NBAS: variants seen among roughly 807,000 people sequenced by gnomAD.
NBAS encodes the protein NAG/BC035112 fusion.
A neutral mutation model predicts 302.5 loss-of-function variants in NBAS; 219 were observed. The observed-to-expected ratio is 0.72, with a 90% CI of 0.65 to 0.81. The LOEUF is 0.81. Ranked by LOEUF, NBAS falls within the 30% of genes least tolerant of loss-of-function variation. NBAS has a pLI of 0.00. For missense variants in NBAS, 2,932 were observed against 2,841.6 expected (o/e 1.03, Z -0.72); for synonymous variants, 1,118 against 1,021.6 (o/e 1.09, Z -1.80).
intron 12 of NBAS, among the ~76,000 whole-genome samples, chr2:15,486,454 A>C (rs1337397213): frequency 6.6e-6 from 1 of 152,196 alleles, no homozygotes; most frequent in African/African-American, 2.4e-5. Flanking sequence ...TTTCAGGAAC[A>C]TGGAATCAAA....
At chr2:15,391,081 G>A (rs1224749106) in intron 28 of NBAS, among the ~76,000 whole-genome samples, 2 of 151,846 alleles carry the variant, frequency 1.3e-5, no homozygotes, top group African/African-American at 2.4e-5. Flanking sequence ...CTGCACTCTA[G>A]CCTGGGCGAC....
At chr2:15,554,478 A>C (rs78695601) in intron 3 of NBAS, among the ~76,000 whole-genome samples, 1,915 of 151,936 alleles carry the variant, frequency 0.013, 32 homozygotes, top group East Asian at 0.056. Flanking sequence ...AACTGTAACA[A>C]AAACAAATTC....
intron 48 of NBAS, among the ~76,000 whole-genome samples, chr2:15,218,154 A>G (rs543141005): frequency 1.3e-5 from 2 of 152,292 alleles, no homozygotes; most frequent in Admixed American, 1.3e-4. Context: ...TCACACCTGC[A>G]TTTTTCCTGG....
chr2:15,402,280 C>A lies in NBAS; in HGVS notation c.2959G>T (p.Asp987Tyr). The A allele has an allele frequency of 6.2e-7, 1 of 1,613,470 alleles. No individual in the cohort carries two copies. Among genetic ancestry groups the A allele is most frequent in the Non-Finnish European group, 8.5e-7 (1 of 1,179,642 alleles). The change falls in exon 26 of 52, where the codon GAT becomes TAT. Residue 987 changes from aspartate (D) to tyrosine (Y), a missense_variant. Physicochemically the swap from Asp to Tyr is radical, Grantham distance 160. Transcript: ENST00000281513. ...KPDLQQKIIPDQDQLMAIALE... is the reference protein window; with the variant it reads ...KPDLQQKIIPYQDQLMAIALE... ...GCTATTGCCATCAGTTGGTCCTGAT[C>A]AGGAATAATTTTTTGCTGCAGCTAC...
intron 48 of NBAS, among the ~76,000 whole-genome samples, chr2:15,214,031 C>T (rs1190436206): frequency 6.6e-6 from 1 of 152,088 alleles, no homozygotes; most frequent in Non-Finnish European, 1.5e-5. Context: ...AGCACCAGGC[C>T]ACTCTATAAG....
chr2:15,500,863 G>A (rs1394648858), intron 11 of NBAS, among the ~76,000 whole-genome samples: 2 of 151,316 alleles, frequency 1.3e-5, no homozygotes, highest in Non-Finnish European at 2.9e-5. Context: ...GGCGGAGCTT[G>A]CAATGAGCCT....
the NBAS span, among the ~76,000 whole-genome samples, chr2:14,846,684 G>C: frequency 1.3e-5 from 2 of 152,022 alleles, no homozygotes; most frequent in African/African-American, 4.8e-5. Context: ...TGGGGGTAAA[G>C]TTATAGAGTT....
At chr2:14,859,158 T>A in the NBAS span, among the ~76,000 whole-genome samples, 2 of 151,868 alleles carry the variant, frequency 1.3e-5, no homozygotes, top group Non-Finnish European at 2.9e-5. Context: ...AGAAAAATTA[T>A]AAAACACTGA....
chr2:15,449,780 C>T (rs761826713), intron 21 of NBAS, among the ~76,000 whole-genome samples: 13 of 152,196 alleles, frequency 8.5e-5, no homozygotes, highest in Admixed American at 1.3e-4. Context: ...GAACTGCCAG[C>T]ATATTCCACT....
intron 10 of NBAS, among the ~76,000 whole-genome samples, chr2:15,504,625 C>T (rs1204757802): frequency 6.6e-6 from 1 of 152,156 alleles, no homozygotes; most frequent in East Asian, 1.9e-4. Context: ...AAGACTTCAT[C>T]ATTAGAAATC....
the NBAS span, among the ~76,000 whole-genome samples, chr2:14,806,493 AAG>A: frequency 1.3e-5 from 2 of 152,186 alleles, no homozygotes; most frequent in African/African-American, 4.8e-5. Flanking sequence ...TACACTTTAA[AAG>A]AGCGATTCCA....
intron 35 of NBAS, among the ~76,000 whole-genome samples, chr2:15,349,188 T>C (rs1178247907): frequency 6.6e-6 from 1 of 152,198 alleles, no homozygotes; most frequent in Admixed American, 6.6e-5. Context: ...GAGATGTGAC[T>C]GGACAAGTTG....
At chr2:15,344,117 A>G (rs761570717) in intron 35 of NBAS, among the ~76,000 whole-genome samples, 4 of 151,914 alleles carry the variant, frequency 2.6e-5, no homozygotes, top group Non-Finnish European at 5.9e-5. Context: ...TAGCCAGCCA[A>G]TAAGCACATG....
intron 24 of NBAS, among the ~76,000 whole-genome samples, chr2:15,417,150 C>G (rs1178987295): frequency 6.6e-6 from 1 of 152,174 alleles, no homozygotes; most frequent in African/African-American, 2.4e-5. Flanking sequence ...TTCAAACAAC[C>G]ACCCGGTCCT....
In NBAS at chr2:15,243,942, G is replaced by A. The variant is rs553741238; in HGVS notation, c.5725-5256C>T. On this transcript the variant is annotated intron_variant, in intron 44 of 51. Coordinates refer to ENST00000281513, the MANE Select transcript of NBAS (RefSeq NM_015909.4). ...CTTTAGAAGATTAAAATGATTCAGG[G>A]AAGAGATAAAACAAGGGCGTGACAC... 5.3e-5 allele frequency among the ~76,000 whole-genome samples: 8 copies of A among 152,256 alleles called. No individual in the cohort carries two copies. The South Asian group carries it at 1.7e-3, about 32-fold the overall frequency.
intron 21 of NBAS, among the ~76,000 whole-genome samples, chr2:15,459,206 G>C (rs1181575224): frequency 6.6e-6 from 1 of 152,124 alleles, no homozygotes; most frequent in African/African-American, 2.4e-5. Context: ...ACATGGGGGA[G>C]GCCCTTCAGG....
the NBAS span, among the ~76,000 whole-genome samples, chr2:15,088,168 C>CAG: frequency 6.6e-6 from 1 of 152,096 alleles, no homozygotes; most frequent in Admixed American, 6.6e-5. Flanking sequence ...AGGACATGAG[C>CAG]AGAGGGTCAT....
chr2:15,402,607 C>T (rs1676209140), intron 25 of NBAS, among the ~76,000 whole-genome samples: 1 of 152,144 alleles, frequency 6.6e-6, no homozygotes, highest in Non-Finnish European at 1.5e-5. Flanking sequence ...AAAGGCAATT[C>T]ATTAAGAACA....
chr2:15,104,370 C>T, the NBAS span, among the ~76,000 whole-genome samples: 66 of 152,234 alleles, frequency 4.3e-4, 3 homozygotes, highest in Middle Eastern at 0.027. Flanking sequence ...GTAACTATGC[C>T]TTCATTCAAG....
Sources: gnomAD v4.1 joint callset for allele counts (sites outside exome capture counted in the v4.1 genomes callset) on GRCh38, gnomAD v4.1.1 for gene constraint, MANE v1.5 for transcripts, NCBI Gene and HGNC (gene_info 2026-07-23, HGNC 2026-07-21) for gene names.